The following PNKD variants were observed in gnomAD, a reference collection of about 807,000 sequenced individuals.
PNKD encodes the protein PNKD metallo-beta-lactamase domain containing.
In PNKD, 36 loss-of-function variants were observed where a neutral mutation model predicts 45.3. The observed-to-expected ratio is 0.80, with a 90% confidence interval of 0.61 to 1.05. The LOEUF (loss-of-function observed/expected upper bound fraction) is 1.05. PNKD is among the 50% of genes least tolerant of loss of function. The pLI is 0.00. For missense variants in PNKD, 511 were observed against 506.6 expected (o/e 1.01, Z -0.08); for synonymous variants, 197 against 210.1 (o/e 0.94, Z 0.54).
At chr2:218,296,325 G>T (rs947715835) in intron 2 of PNKD, among the ~76,000 whole-genome samples, 1 of 152,224 alleles carries the variant, frequency 6.6e-6, no homozygotes, top group Non-Finnish European at 1.5e-5. Context: ...CAGGAAGAGG[G>T]GTGGAGGAGT....
In PNKD at chr2:218,345,122, G is replaced by A; in HGVS notation, c.*141G>A. 1 of 682,012 alleles carries A rather than the reference G, an allele frequency of 1.5e-6. No individual in the cohort carries two copies. The allele number at this position is 682,012 out of a possible 1,614,324, so 42.2% of individuals were successfully genotyped here. On this transcript the variant is annotated 3_prime_UTR_variant, in exon 10 of 10. Coordinates refer to ENST00000273077, the MANE Select transcript of PNKD (RefSeq NM_015488.5). ...TCATCCCCCCACACTGCTCAGGGGA[G>A]GGGAGGGATCAGGCGATGAGACTGT...
At chr2:218,276,210 C>G (rs1447902585) in intron 2 of PNKD, 3 of 926,004 alleles carry the variant, frequency 3.2e-6, no homozygotes, top group Non-Finnish European at 5.0e-6. Flanking sequence ...TGAAAGGCTA[C>G]TGCCTTTCCA....
At chr2:218,277,805 C>G in intron 2 of PNKD, 1 of 1,544,318 alleles carries the variant, frequency 6.5e-7, no homozygotes, top group South Asian at 1.1e-5. Flanking sequence ...CAGAGGAGAT[C>G]AGAACAGGCG....
chr2:218,309,494 G>A (rs1693535701), intron 2 of PNKD, among the ~76,000 whole-genome samples: 1 of 151,650 alleles, frequency 6.6e-6, no homozygotes, highest in African/African-American at 2.4e-5. Flanking sequence ...GGCCAGGTTG[G>A]TCTGGAACTC....
chr2:218,326,259 G>A lies in PNKD; in HGVS notation c.237-13524G>A, dbSNP rs2106278786. 6.6e-6 allele frequency among the ~76,000 whole-genome samples: 1 copy of A among 152,270 alleles called. No individual in the cohort carries two copies. Among genetic ancestry groups the A allele is most frequent in the Non-Finnish European group, 1.5e-5 (1 of 68,024 alleles). The stretch of plus-strand genomic sequence containing the variant: ...TTAGTAATCATCATCCCTGGTGTTT[G>A]GCAATTTAATAAAAGGCTTTCCTTA... On this transcript the variant is annotated intron_variant, in intron 2 of 9. Coordinates refer to ENST00000273077, the MANE Select transcript of PNKD (RefSeq NM_015488.5). This position sits in a 1 kb window ranked among gnomAD's most constrained non-coding sequence, Gnocchi z 4.1.
At chr2:218,288,257 T>C (rs541087626) in intron 2 of PNKD, among the ~76,000 whole-genome samples, 1 of 152,102 alleles carries the variant, frequency 6.6e-6, no homozygotes, top group African/African-American at 2.4e-5. Context: ...TGAAACCCCA[T>C]CTCTACTAAA....
At chr2:218,324,997 C>CT (rs1167758595) in intron 2 of PNKD, among the ~76,000 whole-genome samples, 3,651 of 62,710 alleles carry the variant, frequency 0.058, 689 homozygotes, top group African/African-American at 0.096. Flanking sequence ...AAATAATTTT[C>CT]TTTTTTTTTT....
At chr2:218,321,932 C>G (rs1286538452) in intron 2 of PNKD, among the ~76,000 whole-genome samples, 5 of 58,190 alleles carry the variant, frequency 8.6e-5, no homozygotes, top group African/African-American at 1.1e-4. Flanking sequence ...CCGAGCTTGA[C>G]TCTTTTTTTT....
rs368638126 is a variant in PNKD at position 218,344,463 on chromosome 2, T to C, written c.877T>C (p.Tyr293His). ...DDTLLWPGHE[Y>H]AEENLGFAGV... ...CTCATGGCTGTCGGTAGGTCATGAG[T>C]ATGCAGAGGAGAACCTGGGCTTTGC... Residue 293 changes from tyrosine to histidine, a missense_variant, in exon 9 of 10, where the codon TAT becomes CAT. By Grantham distance (83) the Tyr-to-His change is moderately conservative. Coordinates refer to ENST00000273077, the MANE Select transcript of PNKD (RefSeq NM_015488.5). 29 of 1,575,590 alleles carry C rather than the reference T, an allele frequency of 1.8e-5. No homozygotes were observed. The highest frequency in any genetic ancestry group is 2.2e-5 in the Non-Finnish European group (26 of 1,159,868).
At chr2:218,319,429 GC>G (rs1693920711) in intron 2 of PNKD, among the ~76,000 whole-genome samples, 1 of 132,776 alleles carries the variant, frequency 7.5e-6, no homozygotes, top group South Asian at 2.4e-4. Flanking sequence ...AGGCTGGAGT[GC>G]CCTGGCATGA....
intron 2 of PNKD, among the ~76,000 whole-genome samples, chr2:218,317,213 C>T (rs1314859186): frequency 1.3e-5 from 2 of 152,180 alleles, no homozygotes; most frequent in East Asian, 3.9e-4. Flanking sequence ...GAGGTCAAGG[C>T]AGAGTTCAGA....
At chr2:218,321,991 C>T in intron 2 of PNKD, among the ~76,000 whole-genome samples, 1 of 141,754 alleles carries the variant, frequency 7.1e-6, no homozygotes, top group East Asian at 2.1e-4. Flanking sequence ...GGCACGATCT[C>T]GACTCACCGC....
chr2:218,290,554 C>T (rs1460380993), intron 2 of PNKD, among the ~76,000 whole-genome samples: 1 of 152,222 alleles, frequency 6.6e-6, no homozygotes, highest in Non-Finnish European at 1.5e-5. Flanking sequence ...CCATTCCACA[C>T]AGCTGCTATC....
chr2:218,309,588 T>C (rs1006607033), intron 2 of PNKD, among the ~76,000 whole-genome samples: 8 of 151,692 alleles, frequency 5.3e-5, no homozygotes, highest in African/African-American at 1.9e-4. Flanking sequence ...TGGGAAAATA[T>C]AAAATTTACC....
At chr2:218,271,120 T>C in intron 1 of PNKD, 1 of 564,232 alleles carries the variant, frequency 1.8e-6, no homozygotes, top group Non-Finnish European at 3.2e-6. Context: ...CATGCTGTCG[T>C]CTGAGGAAGA....
In PNKD at chr2:218,340,721, C is replaced by A. The variant is rs780814768; in HGVS notation, c.466-7C>A. 6.2e-7 allele frequency: 1 copy of A among 1,613,102 alleles called. No homozygotes were observed. Among genetic ancestry groups the A allele is most frequent in the South Asian group, 1.1e-5 (1 of 91,068 alleles). On this transcript the variant is annotated splice_polypyrimidine_tract_variant and splice_region_variant and intron_variant, in intron 4 of 9. Transcript: ENST00000273077. This position sits in a 1 kb window ranked among gnomAD's most constrained non-coding sequence, Gnocchi z 4.2. ...TCCCCAGTCTCCAAACCTCCTCTCTCTCGCAGGCTTCCATTGAAAAGGAAG... is the reference window on the plus strand; with the variant it reads ...TCCCCAGTCTCCAAACCTCCTCTCTATCGCAGGCTTCCATTGAAAAGGAAG...
At chr2:218,307,932 G>T (rs181294305) in intron 2 of PNKD, among the ~76,000 whole-genome samples, 12 of 152,212 alleles carry the variant, frequency 7.9e-5, no homozygotes, top group African/African-American at 2.9e-4. Context: ...ACCTTCAAGG[G>T]GACAGCGCCA....
At chr2:218,302,270 C>T (rs1693291768) in intron 2 of PNKD, among the ~76,000 whole-genome samples, 1 of 152,094 alleles carries the variant, frequency 6.6e-6, no homozygotes, top group African/African-American at 2.4e-5. Context: ...ATCACTTGAA[C>T]CCAGGAGGCA....
At chr2:218,278,314 C>G in intron 2 of PNKD, 1 of 630,474 alleles carries the variant, frequency 1.6e-6, no homozygotes, top group Non-Finnish European at 2.8e-6. Context: ...TGCAGGGTTA[C>G]TATAAGAGTG....
Sources: gnomAD v4.1 joint callset for allele counts (sites outside exome capture counted in the v4.1 genomes callset) on GRCh38, gnomAD v4.1.1 for gene constraint, Gnocchi (gnomAD v3.1) non-coding constraint, MANE v1.5 for transcripts, NCBI Gene and HGNC (gene_info 2026-07-23, HGNC 2026-07-21) for gene names.